Variants in CCSER1 observed in about 807,000 individuals in gnomAD.
CCSER1 encodes the protein serine-rich coiled-coil domain-containing protein 1.
CCSER1 carries 41 observed loss-of-function variants against 82.0 expected under a neutral mutation model. The ratio of observed to expected loss-of-function variants is 0.50; its 90% CI spans 0.39 to 0.65. CCSER1 has a LOEUF of 0.65. CCSER1 is among the 30% of genes least tolerant of loss of function. The pLI is 0.00. For missense variants in CCSER1, 1,119 were observed against 1,064.2 expected, an observed-to-expected ratio of 1.05 and a Z score of -0.72; for synonymous variants, 414 against 383.9, an observed-to-expected ratio of 1.08 and a Z score of -0.92.
At chr4:90,773,863 C>G (rs1475961021) in intron 7 of CCSER1, among the ~76,000 whole-genome samples, 1 of 152,022 alleles carries the variant, frequency 6.6e-6, no homozygotes, top group East Asian at 1.9e-4. Context: ...ATTGAAAGAA[C>G]ATACTCAAAA....
chr4:91,078,352 C>CAG (rs1237654309), intron 9 of CCSER1, among the ~76,000 whole-genome samples: 2 of 152,172 alleles, frequency 1.3e-5, no homozygotes, highest in Non-Finnish European at 1.5e-5. Context: ...AACAGACCTG[C>CAG]AGCTGAAGGT....
intron 10 of CCSER1, among the ~76,000 whole-genome samples, chr4:91,446,579 T>G (rs1036951044): frequency 6.8e-6 from 1 of 146,718 alleles, no homozygotes; most frequent in Non-Finnish European, 1.5e-5. Context: ...TTTCTATTCT[T>G]TGTGTGTGTG....
chr4:91,001,384 C>T (rs1249620786), intron 9 of CCSER1, among the ~76,000 whole-genome samples: 1 of 152,000 alleles, frequency 6.6e-6, no homozygotes, highest in African/African-American at 2.4e-5. Flanking sequence ...ATCATTGTAT[C>T]TTTGGCAGGT....
intron 6 of CCSER1, among the ~76,000 whole-genome samples, chr4:90,721,348 T>G (rs1439662237): frequency 6.6e-6 from 1 of 150,496 alleles, no homozygotes; most frequent in Non-Finnish European, 1.5e-5. Flanking sequence ...CAGGAATGTC[T>G]ATTGTGTCTC....
intron 10 of CCSER1, among the ~76,000 whole-genome samples, chr4:91,287,103 G>A (rs923335072): frequency 1.3e-5 from 2 of 151,662 alleles, no homozygotes; most frequent in African/African-American, 4.8e-5. Context: ...TTAAAGTGGG[G>A]TACCTTAAAA....
chr4:90,334,256 G>A (rs1739940037), intron 3 of CCSER1, among the ~76,000 whole-genome samples: 1 of 152,138 alleles, frequency 6.6e-6, no homozygotes, highest in South Asian at 2.1e-4. Flanking sequence ...CTAGGCCAGG[G>A]AGAGTCACTA....
In CCSER1 at chr4:91,029,943, A is replaced by G. The variant is rs540758386; in HGVS notation, c.2173-56007A>G. 1.1e-4 allele frequency among the ~76,000 whole-genome samples: 16 copies of G among 152,258 alleles called. 1 individual carries two copies. The South Asian group carries it at 3.3e-3, about 32-fold the overall frequency. The stretch of plus-strand genomic sequence containing the variant: ...TACCACTAAAATATTGTAGCTTTAT[A>G]TTGATTGATTCATTGCCTTCTGCAA... On this transcript the variant is annotated intron_variant, in intron 9 of 10. Transcript: ENST00000509176.
intron 3 of CCSER1, among the ~76,000 whole-genome samples, chr4:90,375,402 A>C (rs7434494): frequency 1.3e-5 from 2 of 151,616 alleles, no homozygotes; most frequent in Non-Finnish European, 2.9e-5. Flanking sequence ...AATGGGACAC[A>C]TGGGTTTTGT....
chr4:90,863,949 T>TTTTTTTTTTA (rs1390896581), intron 8 of CCSER1, among the ~76,000 whole-genome samples: 1 of 117,642 alleles, frequency 8.5e-6, no homozygotes, highest in Non-Finnish European at 1.8e-5. Context: ...ACCTATCACG[T>TTTTTTTTTTA]TTTTATTTTA....
intron 8 of CCSER1, among the ~76,000 whole-genome samples, chr4:90,851,443 T>C (rs73834570): frequency 0.22 from 28,366 of 127,014 alleles, 2,896 homozygotes; most frequent in Non-Finnish European, 0.23. Flanking sequence ...TGACAGAGGC[T>C]GCCTGAAGTA....
chr4:91,117,134 A>G (rs1464005957), intron 10 of CCSER1, among the ~76,000 whole-genome samples: 1 of 152,222 alleles, frequency 6.6e-6, no homozygotes, highest in African/African-American at 2.4e-5. Context: ...TTTAATGTTA[A>G]GCTTGCAAAT....
At position 91,599,073 on chromosome 4, in the gene CCSER1, C is replaced by A. The variant is rs1261036252; in HGVS notation, c.*16C>A. ...GGATGGGTAATTAAATCACCGTATT[C>A]CTGTCTTTGGGTAGGATAAAGATGG... On this transcript the variant is annotated 3_prime_UTR_variant, in exon 11 of 11. Transcript: ENST00000509176. The A allele has an allele frequency of 6.6e-7, 1 of 1,518,262 alleles. No individual in the cohort carries two copies. The highest frequency in any genetic ancestry group is 8.9e-7 in the Non-Finnish European group (1 of 1,127,374). The allele number at this position is 1,518,262 out of a possible 1,614,324, so 94.0% of individuals were successfully genotyped here. A position where few individuals can be genotyped will look rare whatever the true frequency, so the allele number is the denominator to read the frequency against.
chr4:90,893,792 T>TGTGTGG (rs34693713), intron 8 of CCSER1, among the ~76,000 whole-genome samples: 7,419 of 145,378 alleles, frequency 0.051, 251 homozygotes, highest in Admixed American at 0.095. Flanking sequence ...TGTGTGTGTG[T>TGTGTGG]GGGGGGTGAA....
intron 1 of CCSER1, among the ~76,000 whole-genome samples, chr4:90,156,737 T>C (rs1441619903): frequency 1.3e-5 from 2 of 152,204 alleles, no homozygotes; most frequent in Non-Finnish European, 2.9e-5. Flanking sequence ...TAGATCTTCC[T>C]CTATCCTTTT....
At chr4:91,384,662 T>C (rs947422574) in intron 10 of CCSER1, among the ~76,000 whole-genome samples, 1 of 152,088 alleles carries the variant, frequency 6.6e-6, no homozygotes, top group Non-Finnish European at 1.5e-5. Context: ...TATATAGAAA[T>C]GCTTTCTGAA....
chr4:91,311,283 A>G (rs1198979519), intron 10 of CCSER1, among the ~76,000 whole-genome samples: 3 of 151,946 alleles, frequency 2.0e-5, no homozygotes, highest in African/African-American at 7.2e-5. Context: ...AGTGGTCTGC[A>G]AACTTAGGTA....
chr4:91,248,363 AAAAC>A (rs1739978008), intron 10 of CCSER1, among the ~76,000 whole-genome samples: 2 of 152,230 alleles, frequency 1.3e-5, no homozygotes, highest in Non-Finnish European at 2.9e-5. Flanking sequence ...CAAGAGGAGA[AAAAC>A]TAACTTTATA....
At chr4:91,482,229 C>T (rs887329836) in intron 10 of CCSER1, among the ~76,000 whole-genome samples, 2 of 145,762 alleles carry the variant, frequency 1.4e-5, no homozygotes, top group African/African-American at 2.6e-5. Flanking sequence ...GGTAAAACCC[C>T]GTCTCTACTA....
chr4:90,616,539 GTCGGGTGTGGTAGCACACGCC>G (rs769433729), intron 5 of CCSER1, among the ~76,000 whole-genome samples: 48 of 151,870 alleles, frequency 3.2e-4, no homozygotes, highest in Middle Eastern at 3.2e-3. Flanking sequence ...AAAAAAATTA[GTCGGGTGTGGTAGCACACGCC>G]TCTAATCCCA....
Sources: allele counts gnomAD v4.1 joint callset (sites outside exome capture counted in the v4.1 genomes callset), GRCh38; gene constraint gnomAD v4.1.1; transcripts MANE v1.5; gene names NCBI Gene and HGNC (gene_info 2026-07-23, HGNC 2026-07-21).